CADPS: variants seen among roughly 807,000 people sequenced by gnomAD.
CADPS encodes calcium dependent secretion activator, also known as calcium-dependent secretion activator 1.
A neutral mutation model predicts 167.3 loss-of-function variants in CADPS; 57 were observed. The ratio of observed to expected loss-of-function variants is 0.34; its 90% CI spans 0.28 to 0.42. The LOEUF (loss-of-function observed/expected upper bound fraction) is 0.42, where lower values mean the gene tolerates loss of function less well. Among genes scored for constraint, CADPS ranks in the 20% least tolerant of loss-of-function variants. CADPS has a pLI of 1.00. For missense variants in CADPS, 1,414 were observed against 1,738.1 expected (o/e 0.81, Z 3.32); for synonymous variants, 676 against 635.3 (o/e 1.06, Z -0.96).
At chr3:62,776,376 C>T (rs921270984) in intron 1 of CADPS, among the ~76,000 whole-genome samples, 1 of 152,110 alleles carries the variant, frequency 6.6e-6, no homozygotes, top group Non-Finnish European at 1.5e-5. Flanking sequence ...CAGAATTGGC[C>T]GGGCACGGTG....
chr3:62,523,182 G>T (rs2071162958), intron 13 of CADPS, among the ~76,000 whole-genome samples: 1 of 151,992 alleles, frequency 6.6e-6, no homozygotes, highest in African/African-American at 2.4e-5. Flanking sequence ...ATCTAGAGTT[G>T]CATTTTTCTT....
Position 62,493,684 on chromosome 3 carries a change from GA to G in CADPS, c.2707-20del. The G allele has an allele frequency of 1.9e-6, 3 of 1,552,608 alleles. No homozygotes were observed. Among genetic ancestry groups the G allele is most frequent in the South Asian group, 1.2e-5 (1 of 84,184 alleles). On this transcript the variant is annotated intron_variant, in intron 18 of 29. Coordinates refer to ENST00000383710, the MANE Select transcript of CADPS (RefSeq NM_003716.4). ...CATGTGGCTGGTTTGCAAATTAAAT[GA>G]AAAAAATCAAGTCATGGACCATTCT...
At chr3:62,697,344 T>A (rs562952373) in intron 3 of CADPS, among the ~76,000 whole-genome samples, 61 of 152,192 alleles carry the variant, frequency 4.0e-4, no homozygotes, top group African/African-American at 1.4e-3. Flanking sequence ...CTCCCACTTA[T>A]GAGTGAGAGC....
chr3:62,812,590 A>G (rs1428791053), intron 1 of CADPS, among the ~76,000 whole-genome samples: 5 of 152,198 alleles, frequency 3.3e-5, no homozygotes, highest in African/African-American at 4.8e-5. Context: ...AAAGAAAACA[A>G]CTGGCATGTG....
chr3:62,561,642 G>C (rs1008850285), intron 9 of CADPS, among the ~76,000 whole-genome samples: 3 of 152,062 alleles, frequency 2.0e-5, no homozygotes, highest in Admixed American at 6.5e-5. Flanking sequence ...TAACCTCTAA[G>C]ATTGCCCTTG....
At chr3:62,468,816 G>A (rs1011973563) in intron 24 of CADPS, among the ~76,000 whole-genome samples, 7 of 151,864 alleles carry the variant, frequency 4.6e-5, no homozygotes, top group African/African-American at 1.7e-4. Flanking sequence ...TGATTATTCT[G>A]TCTCTCCCAT....
intron 1 of CADPS, among the ~76,000 whole-genome samples, chr3:62,792,798 A>G (rs905279885): frequency 1.4e-4 from 21 of 151,048 alleles, no homozygotes; most frequent in African/African-American, 5.1e-4. Flanking sequence ...GGGTCTCACT[A>G]TGTTTCTCAG....
chr3:62,864,571 G>T (rs896654473), intron 1 of CADPS, among the ~76,000 whole-genome samples: 4 of 152,126 alleles, frequency 2.6e-5, no homozygotes, highest in African/African-American at 9.7e-5. Context: ...GCTTGTAGAA[G>T]CATCACCCCA....
Position 62,609,315 on chromosome 3 carries a change from G to A in CADPS, c.1326-16567C>T, listed in dbSNP as rs192153284. Among the ~76,000 whole-genome samples, 5 of 151,736 alleles carry A rather than the reference G, an allele frequency of 3.3e-5. No homozygotes were observed. The South Asian group carries it at 6.3e-4, about 19-fold the overall frequency. ...TTTCTCATGTTAGAGATAGATTCAC[G>A]GTATACAGTTAAGTCCATGTGGAGC... On this transcript the variant is annotated intron_variant, in intron 6 of 29. Transcript: ENST00000383710.
At chr3:62,516,548 A>T in intron 15 of CADPS, 32 bp downstream of exon 15, 1 of 1,476,414 alleles carries the variant, frequency 6.8e-7, no homozygotes, top group Non-Finnish European at 9.3e-7. Context: ...CTTTTTATAT[A>T]TATGTGATCT....
chr3:62,833,209 C>T (rs1389124323), intron 1 of CADPS, among the ~76,000 whole-genome samples: 1 of 152,038 alleles, frequency 6.6e-6, no homozygotes, highest in Non-Finnish European at 1.5e-5. Context: ...GGCTGGATTA[C>T]AGTGGCATGA....
At chr3:62,461,758 G>T (rs1033403459) in intron 26 of CADPS, among the ~76,000 whole-genome samples, 1 of 152,018 alleles carries the variant, frequency 6.6e-6, no homozygotes, top group African/African-American at 2.4e-5. Flanking sequence ...TCACCTCCCC[G>T]CTTTCTCTTG....
intron 29 of CADPS, among the ~76,000 whole-genome samples, 194 bp downstream of exon 29, chr3:62,402,887 G>A (rs537783896): frequency 2.6e-5 from 4 of 152,312 alleles, no homozygotes; most frequent in African/African-American, 9.6e-5. Context: ...AAATTCATTT[G>A]TATTAAATTT....
intron 17 of CADPS, among the ~76,000 whole-genome samples, chr3:62,507,589 T>C (rs1288569763): frequency 6.6e-6 from 1 of 152,170 alleles, no homozygotes; most frequent in Non-Finnish European, 1.5e-5. Context: ...ACCTCTTATA[T>C]TCCCTTGGCT....
At chr3:62,640,336 C>A (rs1223223191) in intron 6 of CADPS, among the ~76,000 whole-genome samples, 1 of 152,140 alleles carries the variant, frequency 6.6e-6, no homozygotes, top group African/African-American at 2.4e-5. Context: ...ACTTCCTTTT[C>A]TGACTTTGTA....
At chr3:62,820,633 C>A (rs928680082) in intron 1 of CADPS, among the ~76,000 whole-genome samples, 4 of 152,124 alleles carry the variant, frequency 2.6e-5, no homozygotes, top group Admixed American at 2.0e-4. Context: ...AATAACAATA[C>A]TATCTGAAGG....
intron 1 of CADPS, among the ~76,000 whole-genome samples, chr3:62,797,567 G>A (rs1314620115): frequency 6.6e-6 from 1 of 152,100 alleles, no homozygotes; most frequent in Non-Finnish European, 1.5e-5. Flanking sequence ...TGCAGGAGCA[G>A]AAAACCAAAC....
chr3:62,592,824 C>G, intron 6 of CADPS, 76 bp from the exon 7 acceptor site: 2 of 1,031,128 alleles, frequency 1.9e-6, no homozygotes, highest in East Asian at 2.5e-5. Flanking sequence ...GTTCCCAGGT[C>G]AGGTGAATGC....
intron 11 of CADPS, among the ~76,000 whole-genome samples, chr3:62,540,037 C>G (rs1044353770): frequency 6.6e-6 from 1 of 152,114 alleles, no homozygotes; most frequent in Non-Finnish European, 1.5e-5. Flanking sequence ...ACCTAGGGCC[C>G]TGGCATATAT....
Sources: gnomAD v4.1 joint callset for allele counts (sites outside exome capture counted in the v4.1 genomes callset) on GRCh38, gnomAD v4.1.1 for gene constraint, MANE v1.5 for transcripts, NCBI Gene and HGNC (gene_info 2026-07-23, HGNC 2026-07-21) for gene names.